BLOC1S2: variants seen among roughly 807,000 people sequenced by gnomAD.
The protein encoded by BLOC1S2 is biogenesis of lysosomal organelles complex 1 subunit 2.
Under a neutral mutation model 19.6 loss-of-function variants are expected in BLOC1S2, and 12 were observed. The observed-to-expected ratio is 0.61, with a 90% CI of 0.39 to 0.99. The LOEUF is 0.99. Ranked by LOEUF, BLOC1S2 falls within the 50% of genes least tolerant of loss-of-function variation. The pLI is 0.00. For missense variants in BLOC1S2, 142 were observed against 171.0 expected (o/e 0.83, Z 0.95); for synonymous variants, 66 against 64.1 (o/e 1.03, Z -0.14).
intron 4 of BLOC1S2, among the ~76,000 whole-genome samples, chr10:100,277,191 C>T (rs1480078303): frequency 6.6e-6 from 1 of 151,380 alleles, no homozygotes; most frequent in African/African-American, 2.4e-5. Flanking sequence ...TCTGCCCGGC[C>T]GCCCCGTCTG....
chr10:100,277,887 G>A (rs551884675), intron 4 of BLOC1S2, among the ~76,000 whole-genome samples: 2 of 115,282 alleles, frequency 1.7e-5, no homozygotes, highest in Non-Finnish European at 3.7e-5. Flanking sequence ...GAGGTGGGGG[G>A]GTCAGCCCCC....
In BLOC1S2 at chr10:100,282,504, TTGGCTGCTA is replaced by T. The variant is rs146857827; in HGVS notation, c.173-1460_173-1452del. Among the ~76,000 whole-genome samples, 1,376 of 152,322 alleles carry T rather than the reference TTGGCTGCTA, an allele frequency of 9.0e-3. 12 individuals carry two copies. Among genetic ancestry groups the T allele is most frequent in the Non-Finnish European group, 0.016 (1,089 of 68,026 alleles). On this transcript the variant is annotated intron_variant, in intron 2 of 4. Transcript: ENST00000370372. ...TCTCTTTGGGAAATGCTCATTTCCT[TTGGCTGCTA>T]TGGCATTGTACTACACCGATGATTT...
chr10:100,286,372 C>G (rs1404619786), intron 1 of BLOC1S2, 159 bp from the exon 2 acceptor site: 34 of 1,458,206 alleles, frequency 2.3e-5, no homozygotes, highest in Non-Finnish European at 1.0e-5. Flanking sequence ...CCCTGCCCAT[C>G]TGACACATCA....
intron 4 of BLOC1S2, among the ~76,000 whole-genome samples, chr10:100,277,944 G>A (rs1320256460): frequency 4.0e-5 from 4 of 99,048 alleles, no homozygotes; most frequent in South Asian, 6.5e-4. Flanking sequence ...GCCTCTGCCC[G>A]GCCGCCCCTA....
chr10:100,277,304 C>A (rs1284639132), intron 4 of BLOC1S2, among the ~76,000 whole-genome samples: 1 of 151,662 alleles, frequency 6.6e-6, no homozygotes, highest in Admixed American at 6.6e-5. Context: ...CGTCTCCGCC[C>A]GGCAGCCACC....
intron 2 of BLOC1S2, among the ~76,000 whole-genome samples, 185 bp downstream of exon 2, chr10:100,285,912 A>C (rs1002730978): frequency 1.3e-5 from 2 of 152,072 alleles, no homozygotes; most frequent in African/African-American, 4.8e-5. Context: ...TTTTCTCATT[A>C]GTCTATGTTA....
At chr10:100,285,973 C>T in intron 2 of BLOC1S2, 124 bp downstream of exon 2, 2 of 1,343,588 alleles carry the variant, frequency 1.5e-6, no homozygotes, top group Non-Finnish European at 2.0e-6. Flanking sequence ...TGGCCTCCCC[C>T]AACTTCCAAC....
intron 4 of BLOC1S2, among the ~76,000 whole-genome samples, chr10:100,278,552 G>A (rs1237787300): frequency 1.2e-4 from 18 of 152,000 alleles, no homozygotes; most frequent in African/African-American, 3.9e-4. Flanking sequence ...TGTGCTCTCT[G>A]AAACATGTGC....
chr10:100,279,028 A>G lies in BLOC1S2; in HGVS notation c.397+1096T>C, dbSNP rs540468440. Among the ~76,000 whole-genome samples the G allele has an allele frequency of 1.7e-4, 26 of 152,228 alleles. 1 individual carries two copies. In the East Asian group the frequency reaches 5.0e-3, roughly 29 times the overall value. On this transcript the variant is annotated intron_variant, in intron 4 of 4. Transcript: ENST00000370372. ...CTAGAGCCCAGGAGTTCAAGGCTAC[A>G]GCGAGCTATGATCACGTCATTGCAC...
At position 100,276,852 on chromosome 10, in the gene BLOC1S2, T is replaced by C. The variant is rs1018278736; in HGVS notation, c.398-1359A>G. On this transcript the variant is annotated intron_variant, in intron 4 of 4. Coordinates refer to ENST00000370372, the MANE Select transcript of BLOC1S2 (RefSeq NM_173809.5). ...GCAGTGGCGTGATCTCGGCTCGCTA[T>C]GGCCTCCACCTCCCAGCCGCCTGCC... Among the ~76,000 whole-genome samples the C allele has an allele frequency of 2.9e-4, 44 of 152,020 alleles. 1 individual carries two copies. The highest frequency in any genetic ancestry group is 1.8e-3 in the Admixed American group (28 of 15,264).
At chr10:100,277,925 GT>G (rs1325256634) in intron 4 of BLOC1S2, among the ~76,000 whole-genome samples, 4 of 101,020 alleles carry the variant, frequency 4.0e-5, no homozygotes, top group Admixed American at 1.7e-4. Flanking sequence ...CGTCCGGGAG[GT>G]GAGGGGCGCC....
At chr10:100,283,506 A>G (rs1156467967) in intron 2 of BLOC1S2, among the ~76,000 whole-genome samples, 1 of 144,994 alleles carries the variant, frequency 6.9e-6, no homozygotes, top group African/African-American at 2.6e-5. Context: ...ATTATTGCTC[A>G]TCTCTCTCTG....
At chr10:100,285,081 A>AG (rs1182250382) in intron 2 of BLOC1S2, among the ~76,000 whole-genome samples, 1 of 118,070 alleles carries the variant, frequency 8.5e-6, no homozygotes, top group Non-Finnish European at 1.9e-5. Context: ...AAACAGAAAA[A>AG]GAAAAAAAAA....
chr10:100,277,035 C>A (rs943264674), intron 4 of BLOC1S2, among the ~76,000 whole-genome samples: 1 of 150,168 alleles, frequency 6.7e-6, no homozygotes, highest in Non-Finnish European at 1.5e-5. Context: ...TCTGCCCGGC[C>A]GCCATCCCAC....
chr10:100,276,317 G>C (rs112468457), intron 4 of BLOC1S2, among the ~76,000 whole-genome samples: 1 of 78,262 alleles, frequency 1.3e-5, no homozygotes, highest in African/African-American at 4.3e-5. Context: ...TCCCTCTCCC[G>C]TCTCCCTCTC....
chr10:100,280,435 C>A (rs1002693628), intron 3 of BLOC1S2, among the ~76,000 whole-genome samples: 1 of 152,178 alleles, frequency 6.6e-6, no homozygotes, highest in Non-Finnish European at 1.5e-5. Flanking sequence ...GACTTAGTGT[C>A]TCTCATCTAC....
In BLOC1S2 at chr10:100,280,243, A is replaced by G. The variant is rs1483763730; in HGVS notation, c.293-15T>C. 1 of 1,582,210 alleles carries G rather than the reference A, an allele frequency of 6.3e-7. No homozygotes were observed. The highest frequency in any genetic ancestry group is 1.8e-5 in the Admixed American group (1 of 55,124). On this transcript the variant is annotated splice_polypyrimidine_tract_variant and intron_variant, in intron 3 of 4. Transcript: ENST00000370372. ...CAGTCCAGCATCTTTAAAAACAAAG[A>G]AAAACTTCATGTTTATATGGCTTTA...
Position 100,275,170 on chromosome 10 carries a change from G to C in BLOC1S2, c.*292C>G. On this transcript the variant is annotated 3_prime_UTR_variant, in exon 5 of 5. Coordinates refer to ENST00000370372, the MANE Select transcript of BLOC1S2 (RefSeq NM_173809.5). ...ATAGGTCCTCTCATTTGATTTTACT[G>C]GTAAGTCCAGCTGTTTTCTGAACTT... 1 of 408,318 alleles carries C rather than the reference G, an allele frequency of 2.4e-6. No homozygotes were observed. The allele number at this position is 408,318 out of a possible 1,614,324, so 25.3% of individuals were successfully genotyped here.
At chr10:100,283,434 C>T (rs1179943603) in intron 2 of BLOC1S2, among the ~76,000 whole-genome samples, 1 of 152,140 alleles carries the variant, frequency 6.6e-6, no homozygotes. Flanking sequence ...CTCCTGCCTC[C>T]CAAAGTGCTA....
Sources: allele counts gnomAD v4.1 joint callset (sites outside exome capture counted in the v4.1 genomes callset), GRCh38; gene constraint gnomAD v4.1.1; transcripts MANE v1.5; gene names NCBI Gene and HGNC (gene_info 2026-07-23, HGNC 2026-07-21).